The following HVCN1 variants were observed in gnomAD, a reference collection of about 807,000 sequenced individuals.
The protein encoded by HVCN1 is voltage-gated hydrogen channel 1.
HVCN1 carries 14 observed loss-of-function variants against 29.2 expected under a neutral mutation model. The observed-to-expected ratio is 0.48, with a 90% confidence interval of 0.32 to 0.75. HVCN1 has a LOEUF of 0.75. Among genes scored for constraint, HVCN1 ranks in the 30% least tolerant of loss-of-function variants. The pLI, the probability that HVCN1 is intolerant of heterozygous loss-of-function variation, is 0.04. For missense variants in HVCN1, 263 were observed against 341.8 expected, an observed-to-expected ratio of 0.77 and a Z score of 1.82; for synonymous variants, 131 against 133.2, an observed-to-expected ratio of 0.98 and a Z score of 0.11.
rs200069122 is a variant in HVCN1, at chr12:110,668,975, G to GA, written c.22-7528dup. Reference sequence around the variant, plus strand: ...CAGGAGTCCTGGAGACCTCAGCCTTGACCCTGTCCTTGGGCCGGTGACTCT... The same window carrying GA: ...CAGGAGTCCTGGAGACCTCAGCCTTGAACCCTGTCCTTGGGCCGGTGACTCT... On this transcript the variant is annotated intron_variant, in intron 3 of 7. Transcript: ENST00000242607. Among the ~76,000 whole-genome samples the GA allele has an allele frequency of 5.7e-3, 866 of 151,650 alleles. 12 individuals are homozygous for GA. Among genetic ancestry groups the GA allele is most frequent in the African/African-American group, 0.019 (799 of 41,330 alleles).
At chr12:110,662,754 C>T (rs1015487096) in intron 3 of HVCN1, among the ~76,000 whole-genome samples, 1 of 152,086 alleles carries the variant, frequency 6.6e-6, no homozygotes, top group East Asian at 1.9e-4. Context: ...ATAGATTTGA[C>T]TGCATCAAAA....
chr12:110,675,638 GC>G (rs2068728420), intron 3 of HVCN1, among the ~76,000 whole-genome samples: 1 of 152,102 alleles, frequency 6.6e-6, no homozygotes, highest in Non-Finnish European at 1.5e-5. Context: ...GGGAGTGGTG[GC>G]TCATGCCTGT....
At chr12:110,663,587 C>CAAAAAAAAAAAAAAAA (rs1182792368) in intron 3 of HVCN1, among the ~76,000 whole-genome samples, 13 of 25,802 alleles carry the variant, frequency 5.0e-4, no homozygotes, top group Admixed American at 9.9e-4. Flanking sequence ...GACGCTGTCT[C>CAAAAAAAAAAAAAAAA]AAAAAAAAAA....
intron 4 of HVCN1, among the ~76,000 whole-genome samples, chr12:110,655,886 G>A (rs2067974350): frequency 6.6e-6 from 1 of 152,086 alleles, no homozygotes; most frequent in African/African-American, 2.4e-5. Flanking sequence ...TGTATTTTTA[G>A]TAGAGATGGT....
intron 4 of HVCN1, among the ~76,000 whole-genome samples, chr12:110,655,927 G>T (rs1382083485): frequency 6.6e-6 from 1 of 152,036 alleles, no homozygotes; most frequent in East Asian, 1.9e-4. Flanking sequence ...CTGGTCTCGA[G>T]CTCCTAACCC....
At chr12:110,691,913 A>G (rs564741217), upstream of HVCN1, among the ~76,000 whole-genome samples, 3 of 152,312 alleles carry the variant, frequency 2.0e-5, no homozygotes, top group South Asian at 6.2e-4. Context: ...GCAGGGACCT[A>G]TGTCCATACT....
intron 4 of HVCN1, among the ~76,000 whole-genome samples, chr12:110,656,585 C>T (rs189843232): frequency 2.6e-5 from 4 of 152,172 alleles, no homozygotes; most frequent in Middle Eastern, 3.2e-3. Context: ...TACCCACCCC[C>T]CCGCCAGGGC....
rs1229592094 is a variant in HVCN1, at chr12:110,649,156, A to AATT, written c.*251_*253dup. On this transcript the variant is annotated 3_prime_UTR_variant, in exon 8 of 8. Transcript: ENST00000242607. ...TTGTCCAGCTTTGTTGCTCATTTTC[A>AATT]ATTAAGGCTAAAGTGTTCAACATGA... The AATT allele has an allele frequency of 1.5e-6, 1 of 680,668 alleles. No homozygotes were observed. The highest frequency in any genetic ancestry group is 2.7e-6 in the Non-Finnish European group (1 of 375,364). 42.2% of individuals were successfully genotyped at this position (680,668 alleles called of 1,614,324 possible).
chr12:110,680,111 G>A, intron 3 of HVCN1, among the ~76,000 whole-genome samples: 1 of 152,156 alleles, frequency 6.6e-6, no homozygotes, highest in East Asian at 1.9e-4. Context: ...AATTCCATAA[G>A]GGCAGATCAT....
At chr12:110,683,449 T>G (rs2069060163) in intron 2 of HVCN1, among the ~76,000 whole-genome samples, 185 bp from the exon 3 acceptor site, 1 of 152,172 alleles carries the variant, frequency 6.6e-6, no homozygotes, top group South Asian at 2.1e-4. Context: ...CCAAATGAAC[T>G]GAAACAGGGA....
Position 110,649,315 on chromosome 12 carries a change from C to T in HVCN1, c.*95G>A. On this transcript the variant is annotated 3_prime_UTR_variant, in exon 8 of 8. Transcript: ENST00000242607. ...GGGAGGCAGAGGTATCAAACCAAACCTCTCACCAAGCGGCCCAGGAGGGGC... is the reference window on the plus strand; with the variant it reads ...GGGAGGCAGAGGTATCAAACCAAACTTCTCACCAAGCGGCCCAGGAGGGGC... The T allele has an allele frequency of 1.0e-6, 1 of 978,136 alleles. No individual in the cohort carries two copies. Among genetic ancestry groups the T allele is most frequent in the Non-Finnish European group, 1.6e-6 (1 of 622,150 alleles). The allele number at this position is 978,136 out of a possible 1,614,324, so 60.6% of individuals were successfully genotyped here.
At chr12:110,650,687 A>G (rs571181045) in intron 6 of HVCN1, among the ~76,000 whole-genome samples, 6 of 146,764 alleles carry the variant, frequency 4.1e-5, no homozygotes, top group African/African-American at 1.3e-4. Context: ...TCCTTTGACA[A>G]GAGTCCAGTT....
rs2067666867 is a variant in HVCN1 at position 110,649,294 on chromosome 12, G to C, written c.*116C>G. ...CCAGAATCCATGCTGGCAGGAGGGA[G>C]GCAGAGGTATCAAACCAAACCTCTC... On this transcript the variant is annotated 3_prime_UTR_variant, in exon 8 of 8. Coordinates refer to ENST00000242607, the MANE Select transcript of HVCN1 (RefSeq NM_032369.4). 1 of 781,070 alleles carries C rather than the reference G, an allele frequency of 1.3e-6. No homozygotes were observed. The highest frequency in any genetic ancestry group is 1.5e-5 in the South Asian group (1 of 67,378). 48.4% of individuals were successfully genotyped at this position (781,070 alleles called of 1,614,324 possible).
chr12:110,661,454 A>C lies in HVCN1; in HGVS notation c.22-6T>G. ...TTGGCCCTGCGGGTGACTGCCTAGA[A>C]GGCGGGGACAGAGAGCAAGAGCTTC... is the stretch of plus-strand genomic sequence containing the variant. On this transcript the variant is annotated splice_region_variant and splice_polypyrimidine_tract_variant and intron_variant, in intron 3 of 7. Transcript: ENST00000242607. The surrounding 1 kb of genome is among the most constrained non-coding windows in gnomAD (Gnocchi z 6.2). 1 of 1,612,782 alleles carries C rather than the reference A, an allele frequency of 6.2e-7. No homozygotes were observed. The highest frequency in any genetic ancestry group is 8.5e-7 in the Non-Finnish European group (1 of 1,178,968).
intron 3 of HVCN1, chr12:110,682,915 G>GATTGCACC (rs2069033291): frequency 3.3e-6 from 1 of 307,570 alleles, no homozygotes; most frequent in Non-Finnish European, 6.1e-6. Flanking sequence ...GGTGAGCTGA[G>GATTGCACC]ATTGCACCAT....
chr12:110,667,659 T>TG (rs1396727423), intron 3 of HVCN1, among the ~76,000 whole-genome samples: 2 of 152,242 alleles, frequency 1.3e-5, no homozygotes, highest in East Asian at 3.9e-4. Context: ...CTCAAACTCC[T>TG]GGGCTCAAGT....
intron 4 of HVCN1, 29 bp from the exon 5 acceptor site, chr12:110,655,367 CA>C: frequency 6.5e-7 from 1 of 1,546,470 alleles, no homozygotes. Context: ...TGCCAGAGAT[CA>C]TGAGACCCCC....
chr12:110,702,741 A>G (rs10849904), intron 1 of HVCN1, among the ~76,000 whole-genome samples: 142,905 of 151,020 alleles, frequency 0.95, 67,835 homozygotes, highest in African/African-American at 0.99. Flanking sequence ...TGCAACCTCC[A>G]CCTCCCGGGT....
chr12:110,686,854 A>C (rs2069202200), intron 2 of HVCN1, among the ~76,000 whole-genome samples: 1 of 152,216 alleles, frequency 6.6e-6, no homozygotes, highest in African/African-American at 2.4e-5. Flanking sequence ...CTGTATCTCC[A>C]AGAAGCCATT....
Sources: gnomAD v4.1 joint callset for allele counts (sites outside exome capture counted in the v4.1 genomes callset) on GRCh38, gnomAD v4.1.1 for gene constraint, Gnocchi (gnomAD v3.1) non-coding constraint, MANE v1.5 for transcripts, NCBI Gene and HGNC (gene_info 2026-07-23, HGNC 2026-07-21) for gene names.